Variants in NECAB2 observed in about 807,000 individuals in gnomAD.
The protein encoded by NECAB2 is N-terminal EF-hand calcium binding protein 2.
In NECAB2, 68 loss-of-function variants were observed where a neutral mutation model predicts 51.9. The ratio of observed to expected loss-of-function variants is 1.31; its 90% CI spans 1.08 to 1.60. The LOEUF (loss-of-function observed/expected upper bound fraction) is 1.60, where lower values mean the gene tolerates loss of function less well. Among genes scored for constraint, NECAB2 ranks in the 40% most tolerant of loss-of-function variants. NECAB2 has a pLI of 0.00. For missense variants in NECAB2, 854 were observed against 490.3 expected, an observed-to-expected ratio of 1.74 and a Z score of -7.00; for synonymous variants, 329 against 203.5, an observed-to-expected ratio of 1.62 and a Z score of -5.25.
chr16:83,991,934 C>T (rs533754679), intron 6 of NECAB2, among the ~76,000 whole-genome samples: 7 of 151,718 alleles, frequency 4.6e-5, no homozygotes, highest in African/African-American at 1.7e-4. Context: ...GGATTACAGG[C>T]AGGAGCCACC....
chr16:83,980,031 C>T (rs1490801249), intron 3 of NECAB2, among the ~76,000 whole-genome samples: 2 of 152,344 alleles, frequency 1.3e-5, no homozygotes, highest in Middle Eastern at 3.4e-3. Context: ...GCAGAGCCCC[C>T]GAGTGCAGAT....
At chr16:83,972,069 G>C (rs551564412) in intron 1 of NECAB2, 82 bp from the exon 2 acceptor site, 1 of 1,576,538 alleles carries the variant, frequency 6.3e-7, no homozygotes, top group African/African-American at 1.3e-5. Flanking sequence ...GAGAAGAGAA[G>C]GATCCCAGTA....
At chr16:83,991,237 C>A (rs1029765475) in intron 6 of NECAB2, among the ~76,000 whole-genome samples, 1 of 152,026 alleles carries the variant, frequency 6.6e-6, no homozygotes, top group Non-Finnish European at 1.5e-5. Flanking sequence ...CCTGCCTTAG[C>A]CTCCCAAAGT....
intron 12 of NECAB2, 80 bp downstream of exon 12, chr16:84,001,996 C>T (rs1266792657): frequency 6.8e-7 from 1 of 1,468,746 alleles, no homozygotes; most frequent in African/African-American, 1.4e-5. Context: ...CCCATATCTC[C>T]CGGGGACTTG....
intron 5 of NECAB2, among the ~76,000 whole-genome samples, chr16:83,986,554 C>T (rs1252457259): frequency 6.6e-6 from 1 of 152,126 alleles, no homozygotes; most frequent in African/African-American, 2.4e-5. Flanking sequence ...GTTGTGTTGC[C>T]CAGGCTGGAG....
chr16:83,991,018 C>G (rs1390326537), intron 6 of NECAB2, among the ~76,000 whole-genome samples: 1 of 152,156 alleles, frequency 6.6e-6, no homozygotes, highest in Non-Finnish European at 1.5e-5. Flanking sequence ...AAAAGTGTCG[C>G]TCTGTCGCCC....
intron 8 of NECAB2, 43 bp downstream of exon 8, chr16:83,994,731 T>C: frequency 6.3e-7 from 1 of 1,595,532 alleles, no homozygotes; most frequent in Non-Finnish European, 8.6e-7. Context: ...TTCCAACCCC[T>C]GAGGGAGTGC....
At chr16:83,996,537 C>A (rs1597223590) in intron 8 of NECAB2, among the ~76,000 whole-genome samples, 1 of 152,096 alleles carries the variant, frequency 6.6e-6, no homozygotes, top group East Asian at 1.9e-4. Context: ...CAGAGATAGC[C>A]ACAGAGGTGG....
At chr16:83,997,295 T>G in intron 9 of NECAB2, 26 bp downstream of exon 9, 1 of 1,613,922 alleles carries the variant, frequency 6.2e-7, no homozygotes, top group African/African-American at 1.3e-5. Context: ...ACCTCTCTTC[T>G]GGGACCACAT....
rs189283459 is a variant in NECAB2, at chr16:83,996,076, C to A, written c.796-1140C>A. 3.8e-3 allele frequency among the ~76,000 whole-genome samples: 578 copies of A among 152,334 alleles called. 4 individuals carry two copies. The highest frequency in any genetic ancestry group is 0.013 in the African/African-American group (558 of 41,576). On this transcript the variant is annotated intron_variant, in intron 8 of 12. Transcript: ENST00000305202. Reference sequence around the variant, plus strand: ...TCAGCAGGGGCCAATCCGGGCCTGGCTTCAGGCCCCGCCCTTCACCGGCCA... The same window carrying A: ...TCAGCAGGGGCCAATCCGGGCCTGGATTCAGGCCCCGCCCTTCACCGGCCA...
intron 6 of NECAB2, among the ~76,000 whole-genome samples, chr16:83,993,967 C>T (rs1020381410): frequency 2.0e-5 from 3 of 152,148 alleles, no homozygotes; most frequent in Non-Finnish European, 4.4e-5. Context: ...GGGCTCTACA[C>T]GTGCCCGAAA....
At chr16:83,996,837 A>T (rs1425314497) in intron 8 of NECAB2, among the ~76,000 whole-genome samples, 1 of 152,144 alleles carries the variant, frequency 6.6e-6, no homozygotes, top group Admixed American at 6.5e-5. Flanking sequence ...TCTAGCTTAG[A>T]GTCTGGGGAA....
Position 83,994,617 on chromosome 16 carries a change from G to C in NECAB2, c.724G>C (p.Asp242His), listed in dbSNP as rs1037580702. 2.5e-6 allele frequency: 4 copies of C among 1,614,034 alleles called. No individual in the cohort carries two copies. In the African/African-American group the frequency reaches 5.3e-5, roughly 22 times the overall value. Reference sequence around the variant, plus strand: ...CTCTTTCTCTACCGCAGCCACGGAGGATGCAAAGGAAGAGGGTCTGGAAGC... The same window carrying C: ...CTCTTTCTCTACCGCAGCCACGGAGCATGCAAAGGAAGAGGGTCTGGAAGC... Reference protein sequence around the residue: ...QGKTLPSATEDAKEEGLEAQI... With the variant: ...QGKTLPSATEHAKEEGLEAQI... Residue 242 changes from aspartate (D) to histidine (H), a missense_variant, in exon 8 of 13, where the codon GAT becomes CAT. Physicochemically the swap from Asp to His is moderately conservative, Grantham distance 81. Transcript: ENST00000305202.
At chr16:83,989,324 C>T (rs1182896099) in intron 5 of NECAB2, among the ~76,000 whole-genome samples, 4 of 152,212 alleles carry the variant, frequency 2.6e-5, no homozygotes, top group Non-Finnish European at 4.4e-5. Context: ...GTCTGGCTGT[C>T]GGCTTGGTGG....
intron 5 of NECAB2, among the ~76,000 whole-genome samples, chr16:83,984,115 C>A (rs113751210): frequency 6.6e-6 from 1 of 151,406 alleles, no homozygotes; most frequent in African/African-American, 2.4e-5. Context: ...CCTGCTTCAG[C>A]CTCCCGAGTA....
chr16:84,000,963 G>GGAGGGTA (rs1362122572), intron 11 of NECAB2, among the ~76,000 whole-genome samples, 162 bp downstream of exon 11: 1 of 137,518 alleles, frequency 7.3e-6, no homozygotes, highest in African/African-American at 3.6e-5. Flanking sequence ...AAACCCTGGT[G>GGAGGGTA]GAGGCAGGAG....
At position 84,000,582 on chromosome 16, in the gene NECAB2, T is replaced by G. The variant is rs867298048; in HGVS notation, c.963-142T>G. On this transcript the variant is annotated intron_variant, in intron 10 of 12. Coordinates refer to ENST00000305202, the MANE Select transcript of NECAB2 (RefSeq NM_019065.3). ...CCTGTGCTGGGGTCACCCTGTCGAG[T>G]CTCGATGGAGGTCAAGACAGGAAGA... 6.6e-5 allele frequency: 41 copies of G among 621,022 alleles called. No individual in the cohort carries two copies. In the South Asian group the frequency reaches 8.3e-4, roughly 13 times the overall value. 38.5% of individuals were successfully genotyped at this position (621,022 alleles called of 1,614,324 possible).
In NECAB2 at chr16:83,985,721, C is replaced by T. The variant is rs1014932657; in HGVS notation, c.459+4594C>T. On this transcript the variant is annotated intron_variant, in intron 5 of 12. Transcript: ENST00000305202. ...ATTTTCAACCTATTATTTGAGCAGC[C>T]TGTTATGTTCTCATTTATTTTTCAG... 5.2e-4 allele frequency among the ~76,000 whole-genome samples: 79 copies of T among 151,908 alleles called. 1 individual carries two copies. Among genetic ancestry groups the T allele is most frequent in the Non-Finnish European group, 1.0e-4 (7 of 68,002 alleles).
At chr16:84,001,425 G>A (rs114896700) in intron 11 of NECAB2, among the ~76,000 whole-genome samples, 3,630 of 152,218 alleles carry the variant, frequency 0.024, 95 homozygotes, top group African/African-American at 0.071. Context: ...GAACAGGGGC[G>A]GTCATGAGAA....
Sources: allele counts gnomAD v4.1 joint callset (sites outside exome capture counted in the v4.1 genomes callset), GRCh38; gene constraint gnomAD v4.1.1; transcripts MANE v1.5; gene names NCBI Gene and HGNC (gene_info 2026-07-23, HGNC 2026-07-21).